ASPH: variants seen among roughly 807,000 people sequenced by gnomAD.
ASPH encodes aspartyl/asparaginyl beta-hydroxylase.
In ASPH, 100 loss-of-function variants were observed where a neutral mutation model predicts 118.4. The observed-to-expected ratio is 0.84, with a 90% confidence interval of 0.72 to 1.00. The LOEUF (loss-of-function observed/expected upper bound fraction) is 1.00, where lower values mean the gene tolerates loss of function less well. ASPH is among the 50% of genes least tolerant of loss of function. The probability of loss-of-function intolerance (pLI) is 0.00; values close to 1 mark genes in which losing one functional copy is unlikely to be tolerated. For synonymous variants in ASPH, 315 were observed against 325.6 expected, an observed-to-expected ratio of 0.97 and a Z score of 0.35; for missense variants, 920 against 919.5, an observed-to-expected ratio of 1.00 and a Z score of -0.01.
chr8:61,687,315 AT>A (rs2151735084), intron 1 of ASPH: 1 of 152,276 alleles, frequency 6.6e-6, no homozygotes, highest in Non-Finnish European at 1.5e-5. Context: ...TAGACAAAAT[AT>A]TTTTTCTAAA....
In ASPH at chr8:61,502,198, G is replaced by C. The variant is rs1805056954; in HGVS notation, c.*1161C>G. The C allele has an allele frequency of 6.6e-6, 1 of 152,118 alleles. No homozygotes were observed. Among genetic ancestry groups the C allele is most frequent in the African/African-American group, 2.4e-5 (1 of 41,418 alleles). The allele number at this position is 152,118 out of a possible 1,614,324, so 9.4% of individuals were successfully genotyped here. ...GCTATTTCACAGTGATGTTTAAAAT[G>C]GCAGAGATTTCTCAAGCCAGAGAGA... is the stretch of plus-strand genomic sequence containing the variant. On this transcript the variant is annotated 3_prime_UTR_variant, in exon 25 of 25. Coordinates refer to ENST00000379454, the MANE Select transcript of ASPH (RefSeq NM_004318.4).
At chr8:61,591,748 G>A (rs757909223) in intron 14 of ASPH, among the ~76,000 whole-genome samples, 14 of 152,224 alleles carry the variant, frequency 9.2e-5, no homozygotes, top group African/African-American at 3.1e-4. Flanking sequence ...AGTAGGCACC[G>A]AGACTGAAGC....
chr8:61,599,485 A>G (rs977276883), intron 14 of ASPH, among the ~76,000 whole-genome samples: 5 of 151,796 alleles, frequency 3.3e-5, no homozygotes, highest in Non-Finnish European at 7.4e-5. Context: ...AGTCAAAAAA[A>G]AAAAAAGAAA....
In ASPH at chr8:61,620,458, G is replaced by T. The variant is rs115411933; in HGVS notation, c.935-1439C>A. Reference sequence around the variant, plus strand: ...AGGGTTTACAGCACATACCTCCTGCGCAGTGCTGCAAGAATAATGCAGGAC... The same window carrying T: ...AGGGTTTACAGCACATACCTCCTGCTCAGTGCTGCAAGAATAATGCAGGAC... On this transcript the variant is annotated intron_variant, in intron 13 of 24. Coordinates refer to ENST00000379454, the MANE Select transcript of ASPH (RefSeq NM_004318.4). Among the ~76,000 whole-genome samples, 258 of 151,886 alleles carry T rather than the reference G, an allele frequency of 1.7e-3. 1 individual carries two copies. Among genetic ancestry groups the T allele is most frequent in the African/African-American group, 5.9e-3 (245 of 41,410 alleles).
chr8:61,611,460 C>T (rs7017995), intron 14 of ASPH, among the ~76,000 whole-genome samples: 34,615 of 152,126 alleles, frequency 0.23, 4,127 homozygotes, highest in South Asian at 0.36. Context: ...GGCATGAATG[C>T]CAGGAGGCAA....
chr8:61,646,775 G>A lies in ASPH; in HGVS notation c.594C>T (p.Thr198=), dbSNP rs139483678. ...CTTCATGAGATACTTCAGGTTCCAG[G>A]GTCTCAAATCTATCATCTACATCAG... ...MATDVDDRFE[T]LEPEVSHEET... The change falls in exon 6 of 25, where the codon ACC becomes ACT. Residue 198 remains threonine, a synonymous_variant. Coordinates refer to ENST00000379454, the MANE Select transcript of ASPH (RefSeq NM_004318.4). 8.1e-6 allele frequency: 13 copies of A among 1,613,170 alleles called. No homozygotes were observed. The highest frequency in any genetic ancestry group is 1.3e-5 in the African/African-American group (1 of 74,832).
At chr8:61,604,977 T>C (rs985304914) in intron 14 of ASPH, among the ~76,000 whole-genome samples, 1 of 152,220 alleles carries the variant, frequency 6.6e-6, no homozygotes, top group Non-Finnish European at 1.5e-5. Context: ...TTAGCTGTTT[T>C]CAAACTCAGT....
chr8:61,577,041 A>C (rs963725740), intron 15 of ASPH, among the ~76,000 whole-genome samples, 183 bp from the exon 16 acceptor site: 7 of 152,178 alleles, frequency 4.6e-5, no homozygotes, highest in African/African-American at 1.2e-4. Flanking sequence ...CTAGTAATGA[A>C]CACATATTTA....
chr8:61,664,305 T>A (rs1818377523), intron 3 of ASPH: 1 of 969,892 alleles, frequency 1.0e-6, no homozygotes, highest in Non-Finnish European at 1.2e-6. Context: ...ATGAAAAATG[T>A]ATGCCATTCA....
chr8:61,590,505 G>A (rs1424104445), intron 14 of ASPH, among the ~76,000 whole-genome samples: 1 of 151,640 alleles, frequency 6.6e-6, no homozygotes, highest in African/African-American at 2.4e-5. Context: ...TTTTGCTTCT[G>A]ATACAATTTT....
rs1015786492 is a variant in ASPH, at chr8:61,503,192, A to G, written c.*167T>C. On this transcript the variant is annotated 3_prime_UTR_variant, in exon 25 of 25. Transcript: ENST00000379454. ...TTCCTAAATGAATTGCAGCGAGGCA[A>G]ATATTCCCTTTAGTGTCTTCTGACC... 1.5e-6 allele frequency: 1 copy of G among 688,708 alleles called. No individual in the cohort carries two copies. 42.7% of individuals were successfully genotyped at this position (688,708 alleles called of 1,614,324 possible). A position where few individuals can be genotyped will look rare whatever the true frequency, so the allele number is the denominator to read the frequency against.
At chr8:61,660,644 C>T (rs1816416900) in intron 3 of ASPH, 1 of 152,178 alleles carries the variant, frequency 6.6e-6, no homozygotes, top group East Asian at 1.9e-4. Context: ...TACTCCTGGG[C>T]TTTACAATTA....
At chr8:61,605,559 C>T (rs768829478) in intron 14 of ASPH, among the ~76,000 whole-genome samples, 1 of 152,110 alleles carries the variant, frequency 6.6e-6, no homozygotes, top group Non-Finnish European at 1.5e-5. Flanking sequence ...TACTGTACTG[C>T]AAGAATTTTC....
Position 61,667,358 on chromosome 8 carries a change from A to G in ASPH, c.322+13610T>C, listed in dbSNP as rs192475861. ...AGTCTACAAATGGCTGACAGGTATA[A>G]TAACTTATTTATTATTATTATTATT... On this transcript the variant is annotated intron_variant, in intron 3 of 24. Transcript: ENST00000379454. 3.3e-5 allele frequency among the ~76,000 whole-genome samples: 5 copies of G among 152,210 alleles called. No homozygotes were observed. The East Asian group carries it at 5.8e-4, about 18-fold the overall frequency.
intron 3 of ASPH, among the ~76,000 whole-genome samples, chr8:61,678,102 T>C (rs1343214558): frequency 6.6e-6 from 1 of 152,056 alleles, no homozygotes; most frequent in Non-Finnish European, 1.5e-5. Context: ...CATGCATCTA[T>C]CAGTCTACAA....
intron 10 of ASPH, among the ~76,000 whole-genome samples, chr8:61,642,414 C>T (rs1011571848): frequency 7.2e-5 from 11 of 152,224 alleles, no homozygotes; most frequent in African/African-American, 2.7e-4. Context: ...TGGCAGAAGC[C>T]GTGGAATGGG....
At chr8:61,578,757 G>A (rs1836271012) in intron 15 of ASPH, 12 of 1,596,274 alleles carry the variant, frequency 7.5e-6, no homozygotes, top group Admixed American at 3.3e-5. Flanking sequence ...GAACAAGTAT[G>A]AGGATGAGAT....
intron 1 of ASPH, among the ~76,000 whole-genome samples, chr8:61,713,169 A>G (rs1838470460): frequency 2.0e-5 from 3 of 152,200 alleles, no homozygotes; most frequent in African/African-American, 7.2e-5. Flanking sequence ...TTAGAATGTA[A>G]ATTTGTGCAA....
chr8:61,701,040 C>T (rs557998294), intron 1 of ASPH, among the ~76,000 whole-genome samples: 128 of 152,336 alleles, frequency 8.4e-4, no homozygotes, highest in African/African-American at 2.9e-3. Flanking sequence ...ATCAATATTT[C>T]TGCTTAAATT....
Sources: gnomAD v4.1 joint callset for allele counts (sites outside exome capture counted in the v4.1 genomes callset) on GRCh38, gnomAD v4.1.1 for gene constraint, MANE v1.5 for transcripts, NCBI Gene and HGNC (gene_info 2026-07-23, HGNC 2026-07-21) for gene names.